Variants in SH3PXD2A observed in about 807,000 individuals in gnomAD.
SH3PXD2A encodes SH3 and PX domains 2A.
A neutral mutation model predicts 115.2 loss-of-function variants in SH3PXD2A; 32 were observed. The ratio of observed to expected loss-of-function variants is 0.28; its 90% confidence interval spans 0.21 to 0.37. The LOEUF is 0.37. SH3PXD2A is among the 10% of genes least tolerant of loss of function. The pLI is 1.00. For synonymous variants in SH3PXD2A, 610 were observed against 629.1 expected, an observed-to-expected ratio of 0.97 and a Z score of 0.45; for missense variants, 1,328 against 1,498.7, an observed-to-expected ratio of 0.89 and a Z score of 1.88.
rs769369053 is a variant in SH3PXD2A, at chr10:103,617,219, G to C, written c.898C>G (p.Leu300Val). ...GVTVEVIRKN[L>V]EGWWYIRYLG... ...TACCTGATATACCACCAGCCTTCCA[G>C]ATTCTTCCGGATCACCTCCACTGTG... The change falls in exon 11 of 15, where the codon CTG becomes GTG. Residue 300 changes from leucine (L) to valine (V), a missense_variant. This residue lies in a region of SH3PXD2A where 509 missense variants were observed against 628.3 expected (regional missense o/e 0.81). Coordinates refer to ENST00000369774, the MANE Select transcript of SH3PXD2A (RefSeq NM_001394015.1). The C allele has an allele frequency of 6.2e-7, 1 of 1,613,650 alleles. No individual in the cohort carries two copies. Among genetic ancestry groups the C allele is most frequent in the Non-Finnish European group, 8.5e-7 (1 of 1,179,516 alleles).
intron 2 of SH3PXD2A, among the ~76,000 whole-genome samples, chr10:103,794,847 C>T (rs1589457384): frequency 6.6e-6 from 1 of 152,336 alleles, no homozygotes; most frequent in Non-Finnish European, 1.5e-5. Context: ...CTCTCGGGAA[C>T]CTGACCTGGT....
In SH3PXD2A at chr10:103,825,257, C is replaced by T. The variant is rs1485985041; in HGVS notation, c.73-23895G>A. 2.0e-5 allele frequency among the ~76,000 whole-genome samples: 3 copies of T among 152,290 alleles called. No individual in the cohort carries two copies. The East Asian group carries it at 5.8e-4, about 29-fold the overall frequency. On this transcript the variant is annotated intron_variant, in intron 1 of 14. Coordinates refer to ENST00000369774, the MANE Select transcript of SH3PXD2A (RefSeq NM_001394015.1). ...ACACCTGCTTCCATGAAAACCAAAC[C>T]TCCTGCTGCCTACACTTGGGCCGCT...
At chr10:103,833,899 T>C (rs2039505319) in intron 1 of SH3PXD2A, among the ~76,000 whole-genome samples, 1 of 152,184 alleles carries the variant, frequency 6.6e-6, no homozygotes, top group Non-Finnish European at 1.5e-5. Flanking sequence ...GCTGGGGAGT[T>C]AGTCAACATT....
intron 5 of SH3PXD2A, among the ~76,000 whole-genome samples, chr10:103,702,915 T>C (rs2037936591): frequency 6.6e-6 from 1 of 152,138 alleles, no homozygotes; most frequent in Non-Finnish European, 1.5e-5. Flanking sequence ...TCTGCAGACA[T>C]GTGCCTGGTC....
rs1291972033 is a variant in SH3PXD2A, at chr10:103,651,500, G to T, written c.604+9483C>A. Among the ~76,000 whole-genome samples the T allele has an allele frequency of 2.0e-5, 3 of 152,226 alleles. No homozygotes were observed. In the East Asian group the frequency reaches 5.8e-4, roughly 29 times the overall value. On this transcript the variant is annotated intron_variant, in intron 8 of 14. Coordinates refer to ENST00000369774, the MANE Select transcript of SH3PXD2A (RefSeq NM_001394015.1). ...GCACTCTGGAGTTTGGCTTTGCAAA[G>T]AAGTGAAATCTACAATGCAAATATC...
At chr10:103,662,347 G>GT (rs1200665500) in intron 7 of SH3PXD2A, among the ~76,000 whole-genome samples, 5 of 99,106 alleles carry the variant, frequency 5.0e-5, no homozygotes, top group African/African-American at 2.3e-4. Context: ...TTGGCGGGGG[G>GT]GGGGGCGGGG....
intron 13 of SH3PXD2A, among the ~76,000 whole-genome samples, chr10:103,608,150 T>TAAAAAAAAAAAAAAAAAAGTTTAAAA (rs1554903068): frequency 6.1e-5 from 2 of 32,654 alleles, no homozygotes; most frequent in Non-Finnish European, 9.0e-5. Flanking sequence ...ATGATCAATT[T>TAAAAAAAAAAAAAAAAAAGTTTAAAA]AAAAAAAAAA....
At chr10:103,832,457 T>G (rs2039491559) in intron 1 of SH3PXD2A, among the ~76,000 whole-genome samples, 1 of 151,798 alleles carries the variant, frequency 6.6e-6, no homozygotes, top group Non-Finnish European at 1.5e-5. Context: ...AAATAATATC[T>G]AAAATACTAC....
chr10:103,826,429 G>C (rs1394075693), intron 1 of SH3PXD2A, among the ~76,000 whole-genome samples: 3 of 152,164 alleles, frequency 2.0e-5, no homozygotes, highest in South Asian at 2.1e-4. Context: ...TGCCTCTCAG[G>C]TTTCCTTAAG....
chr10:103,784,003 C>T lies in SH3PXD2A; in HGVS notation c.154-16834G>A, dbSNP rs1028747364. Among the ~76,000 whole-genome samples the T allele has an allele frequency of 1.3e-5, 2 of 152,234 alleles. No homozygotes were observed. Among genetic ancestry groups the T allele is most frequent in the African/African-American group, 2.4e-5 (1 of 41,464 alleles). ...GGGAATGCAACAGGAAAAGTCCCCC[C>T]GCAAAGCTTGCTGTCTTCCAAGCCC... On this transcript the variant is annotated intron_variant, in intron 2 of 14. Coordinates refer to ENST00000369774, the MANE Select transcript of SH3PXD2A (RefSeq NM_001394015.1). This position sits in a 1 kb window ranked among gnomAD's most constrained non-coding sequence, Gnocchi z 4.4.
chr10:103,683,583 G>T (rs2037638879), intron 6 of SH3PXD2A, among the ~76,000 whole-genome samples: 1 of 152,072 alleles, frequency 6.6e-6, no homozygotes, highest in Non-Finnish European at 1.5e-5. Context: ...GATCGCTTGA[G>T]CCCAGGAATT....
chr10:103,688,585 C>T (rs1388440473), intron 6 of SH3PXD2A, among the ~76,000 whole-genome samples: 1 of 152,202 alleles, frequency 6.6e-6, no homozygotes, highest in Non-Finnish European at 1.5e-5. Context: ...CAGGGAAGAA[C>T]ATTACAGGCA....
chr10:103,647,183 G>C (rs190792550), intron 8 of SH3PXD2A, among the ~76,000 whole-genome samples: 2 of 152,138 alleles, frequency 1.3e-5, no homozygotes, highest in South Asian at 2.1e-4. Flanking sequence ...CCCAGGAAGC[G>C]GGCAATACTG....
intron 2 of SH3PXD2A, among the ~76,000 whole-genome samples, chr10:103,790,443 C>A (rs934187347): frequency 6.6e-6 from 1 of 152,112 alleles, no homozygotes; most frequent in Admixed American, 6.5e-5. Flanking sequence ...TGTGAGCCAC[C>A]GCGCCCGGCC....
At chr10:103,703,033 C>G (rs956103481) in intron 5 of SH3PXD2A, among the ~76,000 whole-genome samples, 15 of 152,218 alleles carry the variant, frequency 9.9e-5, no homozygotes, top group African/African-American at 3.6e-4. Context: ...GCCCCTAACT[C>G]CCCAGCCCTG....
chr10:103,702,438 G>A (rs545886181), intron 5 of SH3PXD2A, among the ~76,000 whole-genome samples: 1 of 152,354 alleles, frequency 6.6e-6, no homozygotes, highest in Non-Finnish European at 1.5e-5. Context: ...GTGGTCTGGG[G>A]TGGTCAGGGA....
chr10:103,758,215 T>C (rs1338968064), intron 3 of SH3PXD2A, among the ~76,000 whole-genome samples: 1 of 152,190 alleles, frequency 6.6e-6, no homozygotes, highest in East Asian at 1.9e-4. Context: ...GACTCAGCAC[T>C]CCTCACTGTT....
Position 103,625,393 on chromosome 10 carries a change from A to G in SH3PXD2A, c.718+1696T>C, listed in dbSNP as rs139186076. 1.3e-3 allele frequency among the ~76,000 whole-genome samples: 199 copies of G among 152,360 alleles called. 1 individual carries two copies. Among genetic ancestry groups the G allele is most frequent in the African/African-American group, 4.0e-3 (167 of 41,580 alleles). On this transcript the variant is annotated intron_variant, in intron 9 of 14. Transcript: ENST00000369774. ...CACAGAGAGGTGTGTGGCACAGCAG[A>G]AAGGACCAAGGGACAAAGGAGGTGG...
chr10:103,804,470 C>T (rs992863695), intron 1 of SH3PXD2A, among the ~76,000 whole-genome samples: 10 of 151,604 alleles, frequency 6.6e-5, no homozygotes, highest in Admixed American at 3.9e-4. Context: ...TGCAGGCACC[C>T]GCCACCACGC....
Sources: gnomAD v4.1 joint callset for allele counts (sites outside exome capture counted in the v4.1 genomes callset) on GRCh38, gnomAD v4.1.1 for gene constraint, gnomAD v4.1.1 regional missense constraint, Gnocchi (gnomAD v3.1) non-coding constraint, MANE v1.5 for transcripts, NCBI Gene and HGNC (gene_info 2026-07-23, HGNC 2026-07-21) for gene names.